The following GPHN variants were observed in gnomAD, a reference collection of about 807,000 sequenced individuals.
GPHN encodes gephyrin.
A neutral mutation model predicts 95.5 loss-of-function variants in GPHN; 17 were observed. That is an observed-to-expected ratio of 0.18 (90% CI 0.12 to 0.27). The LOEUF is 0.27. Among genes scored for constraint, GPHN ranks in the 10% least tolerant of loss-of-function variants. The pLI is 1.00. For missense variants in GPHN, 660 were observed against 978.1 expected, an observed-to-expected ratio of 0.67 and a Z score of 4.34; for synonymous variants, 320 against 322.5, an observed-to-expected ratio of 0.99 and a Z score of 0.08.
intron 2 of GPHN, among the ~76,000 whole-genome samples, chr14:66,723,263 A>G (rs1425193407): frequency 1.4e-5 from 2 of 146,660 alleles, no homozygotes; most frequent in East Asian, 4.0e-4. Context: ...CCTTTTATGA[A>G]TATAATTTAT....
intron 8 of GPHN, among the ~76,000 whole-genome samples, chr14:66,943,070 A>G (rs1383022960): frequency 6.6e-6 from 1 of 152,194 alleles, no homozygotes; most frequent in Non-Finnish European, 1.5e-5. Flanking sequence ...AAAACCATAT[A>G]ATACCTTTTT....
intron 10 of GPHN, among the ~76,000 whole-genome samples, chr14:67,025,127 G>T (rs1434581374): frequency 6.6e-6 from 1 of 152,092 alleles, no homozygotes; most frequent in Admixed American, 6.5e-5. Flanking sequence ...CTCCCTAGTT[G>T]CCAACTTTAT....
the GPHN span, chr14:67,574,165 G>A: frequency 2.2e-6 from 3 of 1,347,328 alleles, no homozygotes; most frequent in East Asian, 2.5e-5. This position sits in a 1 kb window ranked among gnomAD's most constrained non-coding sequence, Gnocchi z 4.2. Context: ...TCAGGGACAG[G>A]TGCCACCTCG....
the GPHN span, among the ~76,000 whole-genome samples, chr14:67,694,350 C>G: frequency 6.6e-6 from 1 of 151,786 alleles, no homozygotes; most frequent in African/African-American, 2.4e-5. Context: ...CCTTAACCAG[C>G]AGGAATGAAA....
At chr14:66,981,068 A>G (rs1212000774) in intron 9 of GPHN, among the ~76,000 whole-genome samples, 1 of 152,184 alleles carries the variant, frequency 6.6e-6, no homozygotes, top group Non-Finnish European at 1.5e-5. Flanking sequence ...AAGATTTCCT[A>G]AGGATAAAAA....
intron 2 of GPHN, 43 bp from the exon 3 acceptor site, chr14:66,776,421 C>T: frequency 9.0e-7 from 1 of 1,113,552 alleles, no homozygotes; most frequent in South Asian, 1.2e-5. Context: ...ACATTTTAAA[C>T]ACTATTGCTG....
chr14:66,536,327 G>A (rs1006020149), intron 1 of GPHN, among the ~76,000 whole-genome samples: 2 of 152,108 alleles, frequency 1.3e-5, no homozygotes, highest in African/African-American at 4.8e-5. Context: ...TCATATGGTT[G>A]TATCCTTAAT....
the GPHN span, among the ~76,000 whole-genome samples, chr14:67,340,760 C>T: frequency 6.6e-6 from 1 of 152,178 alleles, no homozygotes; most frequent in African/African-American, 2.4e-5. Flanking sequence ...TCTCAGCTCA[C>T]TGCAACCTCC....
chr14:67,545,523 A>G, the GPHN span, among the ~76,000 whole-genome samples: 23 of 152,362 alleles, frequency 1.5e-4, no homozygotes, highest in East Asian at 4.0e-3. Context: ...GATAGGGACA[A>G]GAAAATAATA....
chr14:67,372,999 G>A, the GPHN span, among the ~76,000 whole-genome samples: 3 of 152,160 alleles, frequency 2.0e-5, no homozygotes, highest in African/African-American at 7.2e-5. Flanking sequence ...AAAAACCACA[G>A]TGAGATGCCA....
the GPHN span, chr14:67,651,396 G>C: frequency 6.2e-7 from 1 of 1,613,862 alleles, no homozygotes; most frequent in Non-Finnish European, 8.5e-7. Flanking sequence ...CAATGGCTGC[G>C]AAAGAATTTG....
intron 1 of GPHN, among the ~76,000 whole-genome samples, chr14:66,630,589 A>G (rs1176720686): frequency 2.0e-5 from 3 of 151,952 alleles, no homozygotes; most frequent in African/African-American, 4.8e-5. Context: ...CTCCTGCATC[A>G]GTCTCCTGAG....
the GPHN span, among the ~76,000 whole-genome samples, chr14:67,422,699 A>G: frequency 6.6e-6 from 1 of 152,234 alleles, no homozygotes; most frequent in Non-Finnish European, 1.5e-5. Flanking sequence ...TCGGGCTGCA[A>G]GTAACTGAAA....
intron 16 of GPHN, among the ~76,000 whole-genome samples, chr14:67,118,739 A>G (rs977725589): frequency 6.6e-6 from 1 of 152,160 alleles, no homozygotes; most frequent in African/African-American, 2.4e-5. Context: ...CTCAAAAAAA[A>G]AAAAAGATTC....
chr14:67,234,653 G>A, the GPHN span, among the ~76,000 whole-genome samples: 1 of 151,950 alleles, frequency 6.6e-6, no homozygotes, highest in Admixed American at 6.5e-5. Context: ...GGGTTCAAGC[G>A]ATTCTCCTGC....
Position 66,955,889 on chromosome 14 carries a change from C to G in GPHN, c.829-9302C>G, listed in dbSNP as rs540379694. ...TCCCTACAAAGGACATGAACTCATCCTTTTTTTATGGCTGCATAGTATTCC... is the reference window on the plus strand; with the variant it reads ...TCCCTACAAAGGACATGAACTCATCGTTTTTTTATGGCTGCATAGTATTCC... On this transcript the variant is annotated intron_variant, in intron 8 of 22. Coordinates refer to ENST00000478722, the MANE Select transcript of GPHN (RefSeq NM_020806.5). Among the ~76,000 whole-genome samples the G allele has an allele frequency of 3.3e-5, 5 of 152,098 alleles. No individual in the cohort carries two copies. In the East Asian group the frequency reaches 9.7e-4, roughly 29 times the overall value.
At chr14:66,757,181 G>T (rs1298700418) in intron 2 of GPHN, among the ~76,000 whole-genome samples, 1 of 152,050 alleles carries the variant, frequency 6.6e-6, no homozygotes, top group Admixed American at 6.6e-5. Flanking sequence ...AAACTCATTG[G>T]TATATTTTAT....
At chr14:67,635,955 A>T in the GPHN span, among the ~76,000 whole-genome samples, 1 of 152,196 alleles carries the variant, frequency 6.6e-6, no homozygotes. Flanking sequence ...AAAAGCCATT[A>T]GTACCCTCTC....
chr14:67,330,741 A>C, the GPHN span, among the ~76,000 whole-genome samples: 1 of 144,338 alleles, frequency 6.9e-6, no homozygotes, highest in Non-Finnish European at 1.5e-5. Flanking sequence ...TATGGGCCTG[A>C]GCCCCCGGCA....
Sources: gnomAD v4.1 joint callset for allele counts (sites outside exome capture counted in the v4.1 genomes callset) on GRCh38, gnomAD v4.1.1 for gene constraint, Gnocchi (gnomAD v3.1) non-coding constraint, MANE v1.5 for transcripts, NCBI Gene and HGNC (gene_info 2026-07-23, HGNC 2026-07-21) for gene names.